Variants in TBC1D15 observed in about 807,000 individuals in gnomAD.
The protein encoded by TBC1D15 is GAP for RAB7.
TBC1D15 carries 39 observed loss-of-function variants against 95.4 expected under a neutral mutation model. The ratio of observed to expected loss-of-function variants is 0.41; its 90% confidence interval spans 0.32 to 0.53. The LOEUF (loss-of-function observed/expected upper bound fraction) is 0.53, where lower values mean the gene tolerates loss of function less well. Among genes scored for constraint, TBC1D15 ranks in the 20% least tolerant of loss-of-function variants. The pLI is 0.29. For missense variants in TBC1D15, 733 were observed against 794.3 expected, an observed-to-expected ratio of 0.92 and a Z score of 0.93; for synonymous variants, 258 against 261.3, an observed-to-expected ratio of 0.99 and a Z score of 0.12.
intron 11 of TBC1D15, among the ~76,000 whole-genome samples, chr12:71,911,387 T>G (rs1902261341): frequency 6.6e-6 from 1 of 151,930 alleles, no homozygotes; most frequent in South Asian, 2.1e-4. Flanking sequence ...TGTCCAATAA[T>G]GATAGACTGG....
intron 7 of TBC1D15, 54 bp from the exon 8 acceptor site, chr12:71,895,893 T>C (rs1022313937): frequency 1.9e-5 from 29 of 1,548,382 alleles, no homozygotes; most frequent in Non-Finnish European, 2.5e-5. Flanking sequence ...TATATGCCTT[T>C]ATTTCATTTC....
At chr12:71,879,667 A>T (rs1894741235) in intron 3 of TBC1D15, among the ~76,000 whole-genome samples, 1 of 151,878 alleles carries the variant, frequency 6.6e-6, no homozygotes, top group African/African-American at 2.4e-5. Context: ...CTTGCTTTTC[A>T]TTGTTACTGA....
chr12:71,909,368 G>C (rs1901606672), intron 11 of TBC1D15, among the ~76,000 whole-genome samples: 1 of 152,164 alleles, frequency 6.6e-6, no homozygotes, highest in African/African-American at 2.4e-5. Context: ...GTGAGGTATA[G>C]GTGTATTTGC....
chr12:71,890,689 C>T, intron 5 of TBC1D15, among the ~76,000 whole-genome samples: 1 of 152,140 alleles, frequency 6.6e-6, no homozygotes. Flanking sequence ...TTCTTTCAGT[C>T]TCAACAACCC....
intron 12 of TBC1D15, among the ~76,000 whole-genome samples, chr12:71,917,185 TGTGAAAGAATTTAA>T (rs1903919603): frequency 1.3e-5 from 2 of 152,272 alleles, no homozygotes; most frequent in South Asian, 4.1e-4. Flanking sequence ...CCTTTGCACT[TGTGAAAGAATTTAA>T]GTATGAAATC....
chr12:71,895,806 T>C (rs1898046985), intron 7 of TBC1D15, 141 bp from the exon 8 acceptor site: 7 of 784,612 alleles, frequency 8.9e-6, no homozygotes, highest in East Asian at 2.8e-5. Context: ...ATAGTTAAAC[T>C]AAACATGGGA....
At chr12:71,918,665 C>G (rs926249557) in intron 14 of TBC1D15, 117 bp downstream of exon 14, 3 of 630,440 alleles carry the variant, frequency 4.8e-6, no homozygotes, top group Non-Finnish European at 7.7e-6. Context: ...AAGTATGTTC[C>G]AAAATTCTGA....
intron 5 of TBC1D15, among the ~76,000 whole-genome samples, chr12:71,889,747 G>T (rs78404204): frequency 0.057 from 8,751 of 152,226 alleles, 600 homozygotes; most frequent in East Asian, 0.32. Context: ...CAGGTAGTAA[G>T]TATAGTATCT....
intron 11 of TBC1D15, among the ~76,000 whole-genome samples, chr12:71,909,988 G>GT (rs1441170658): frequency 1.3e-5 from 2 of 152,076 alleles, no homozygotes; most frequent in Non-Finnish European, 2.9e-5. Flanking sequence ...GGTTTTTATG[G>GT]TTTTAGGTCT....
Position 71,922,967 on chromosome 12 carries a change from G to A in TBC1D15, c.1804-16G>A, listed in dbSNP as rs757372171. Reference sequence around the variant, plus strand: ...TGTAGTGAAATATGGTTTTGAGTTTGATTTTTCATATCCAGGAATTGCCAC... The same window carrying A: ...TGTAGTGAAATATGGTTTTGAGTTTAATTTTTCATATCCAGGAATTGCCAC... On this transcript the variant is annotated splice_polypyrimidine_tract_variant and intron_variant, in intron 16 of 16. Coordinates refer to ENST00000485960, the MANE Select transcript of TBC1D15 (RefSeq NM_001146213.3). 8.1e-6 allele frequency: 13 copies of A among 1,612,684 alleles called. No homozygotes were observed. The highest frequency in any genetic ancestry group is 1.6e-4 in the Middle Eastern group (1 of 6,080).
At chr12:71,875,889 C>T (rs959351456) in intron 3 of TBC1D15, among the ~76,000 whole-genome samples, 3 of 152,060 alleles carry the variant, frequency 2.0e-5, no homozygotes, top group Non-Finnish European at 4.4e-5. Flanking sequence ...TCTCCACCTC[C>T]TGGGTTCAAG....
chr12:71,881,333 A>C (rs1030383989), intron 4 of TBC1D15, among the ~76,000 whole-genome samples: 3 of 152,226 alleles, frequency 2.0e-5, no homozygotes, highest in Non-Finnish European at 4.4e-5. Context: ...CATAAAAGAA[A>C]GAAGCTTTAC....
At chr12:71,844,405 A>G (rs1234191809) in intron 1 of TBC1D15, among the ~76,000 whole-genome samples, 1 of 152,232 alleles carries the variant, frequency 6.6e-6, no homozygotes, top group Non-Finnish European at 1.5e-5. Flanking sequence ...CATGCAGTGA[A>G]CTACTGCTCT....
At chr12:71,852,024 C>T (rs980042286) in intron 1 of TBC1D15, among the ~76,000 whole-genome samples, 3 of 152,246 alleles carry the variant, frequency 2.0e-5, no homozygotes, top group Non-Finnish European at 2.9e-5. Flanking sequence ...GACTCTGCCC[C>T]TGCATCAGGG....
rs371895145 is a variant in TBC1D15 at position 71,911,778 on chromosome 12, A to G, written c.1301-2048A>G. 3.3e-5 allele frequency among the ~76,000 whole-genome samples: 5 copies of G among 152,108 alleles called. No homozygotes were observed. In the East Asian group the frequency reaches 5.8e-4, roughly 18 times the overall value. On this transcript the variant is annotated intron_variant, in intron 11 of 16. Coordinates refer to ENST00000485960, the MANE Select transcript of TBC1D15 (RefSeq NM_001146213.3). ...CCCTAAAACTTAAAGTATAATTTAA[A>G]AAAACTGTAAAAATAAAAAAAATAA...
intron 1 of TBC1D15, chr12:71,854,784 G>T (rs1474197720): frequency 2.2e-6 from 1 of 456,482 alleles, no homozygotes; most frequent in African/African-American, 2.0e-5. Context: ...TTCTTTTGCA[G>T]ATTCGCTTGG....
At chr12:71,884,438 A>G (rs1421694761) in intron 4 of TBC1D15, among the ~76,000 whole-genome samples, 1 of 152,124 alleles carries the variant, frequency 6.6e-6, no homozygotes, top group African/African-American at 2.4e-5. Flanking sequence ...TCCATTTTAC[A>G]AATGAAGTAA....
chr12:71,853,103 G>T (rs1888229378), intron 1 of TBC1D15, among the ~76,000 whole-genome samples: 2 of 152,310 alleles, frequency 1.3e-5, no homozygotes, highest in East Asian at 3.9e-4. Flanking sequence ...AGTTGTAAAG[G>T]AAGTGTGGTG....
intron 3 of TBC1D15, among the ~76,000 whole-genome samples, chr12:71,877,723 A>G (rs1032029332): frequency 6.6e-6 from 1 of 151,916 alleles, no homozygotes; most frequent in Non-Finnish European, 1.5e-5. Flanking sequence ...TAGCATTAGC[A>G]TTCTGTTCTT....
Sources: allele counts gnomAD v4.1 joint callset (sites outside exome capture counted in the v4.1 genomes callset), GRCh38; gene constraint gnomAD v4.1.1; transcripts MANE v1.5; gene names NCBI Gene and HGNC (gene_info 2026-07-23, HGNC 2026-07-21).